Variants in CDH18 observed in about 807,000 individuals in gnomAD.
CDH18 encodes cadherin 18.
CDH18 carries 31 observed loss-of-function variants against 67.9 expected under a neutral mutation model. That is an observed-to-expected ratio of 0.46 (90% CI 0.34 to 0.62). The LOEUF is 0.62. CDH18 is among the 20% of genes least tolerant of loss of function. CDH18 has a pLI of 0.01. For missense variants in CDH18, 890 were observed against 975.5 expected, an observed-to-expected ratio of 0.91 and a Z score of 1.17; for synonymous variants, 362 against 347.2, an observed-to-expected ratio of 1.04 and a Z score of -0.48.
chr5:20,549,139 G>T (rs1302847497), intron 1 of CDH18, among the ~76,000 whole-genome samples: 1 of 152,120 alleles, frequency 6.6e-6, no homozygotes, highest in Non-Finnish European at 1.5e-5. Flanking sequence ...TACTTAGAGT[G>T]ATTCTCAAAT....
chr5:20,390,195 A>C (rs1744712931), intron 1 of CDH18, among the ~76,000 whole-genome samples: 1 of 152,162 alleles, frequency 6.6e-6, no homozygotes, highest in Non-Finnish European at 1.5e-5. Flanking sequence ...ATCAGAGTGA[A>C]CAGGCAACCT....
intron 1 of CDH18, among the ~76,000 whole-genome samples, chr5:20,443,585 A>G (rs915235234): frequency 2.0e-5 from 3 of 151,902 alleles, no homozygotes; most frequent in Non-Finnish European, 2.9e-5. Flanking sequence ...ATTGATGTCA[A>G]TATTTCTGTG....
At chr5:20,111,064 A>G (rs1747416181) in intron 2 of CDH18, among the ~76,000 whole-genome samples, 1 of 152,182 alleles carries the variant, frequency 6.6e-6, no homozygotes, top group Admixed American at 6.5e-5. Flanking sequence ...ATCAGTTTCA[A>G]CTGCTCATAT....
intron 3 of CDH18, among the ~76,000 whole-genome samples, chr5:19,753,815 C>A (rs1771169984): frequency 6.6e-6 from 1 of 152,138 alleles, no homozygotes; most frequent in Non-Finnish European, 1.5e-5. Context: ...GGAATTGGGG[C>A]TGTATCTTCA....
rs560145894 is a variant in CDH18, at chr5:20,513,115, GA to G, written c.-580+62346del. On this transcript the variant is annotated intron_variant, in intron 1 of 14. Coordinates refer to the CDH18 transcript ENST00000507958. ...ATTAATGAATGAAGGCCATAGATAT[GA>G]AAAAATACTTATTAATATTAACAAG... Among the ~76,000 whole-genome samples, 96 of 152,176 alleles carry G rather than the reference GA, an allele frequency of 6.3e-4. 1 individual carries two copies. In the South Asian group the frequency reaches 0.019, roughly 30 times the overall value.
chr5:19,822,723 G>A (rs555785443), intron 3 of CDH18, among the ~76,000 whole-genome samples: 3 of 152,266 alleles, frequency 2.0e-5, no homozygotes, highest in African/African-American at 4.8e-5. Flanking sequence ...CGAGATCACA[G>A]GACCACAGGA....
In CDH18 at chr5:19,979,219, TG is replaced by T. The variant is rs879888804; in HGVS notation, c.-257+1840del. Among the ~76,000 whole-genome samples, 822 of 144,360 alleles carry T rather than the reference TG, an allele frequency of 5.7e-3. 4 individuals are homozygous for T. The highest frequency in any genetic ancestry group is 0.011 in the Middle Eastern group (3 of 266). 94.7% of individuals were successfully genotyped at this position (144,360 alleles called of 152,430 possible). ...GGTGATTGTTGGTGGGGATGGAGTG[TG>T]TGTGTGTGTGTGTGTGTGTGTGTGT... On this transcript the variant is annotated intron_variant, in intron 2 of 12. Coordinates refer to ENST00000382275, the MANE Select transcript of CDH18 (RefSeq NM_004934.5).
chr5:20,535,533 C>T (rs1756660434), intron 1 of CDH18, among the ~76,000 whole-genome samples: 1 of 152,098 alleles, frequency 6.6e-6, no homozygotes, highest in African/African-American at 2.4e-5. Context: ...GTAACATAAT[C>T]TATACCAGGA....
At chr5:20,536,738 T>C (rs1756748897) in intron 1 of CDH18, among the ~76,000 whole-genome samples, 6 of 152,152 alleles carry the variant, frequency 3.9e-5, no homozygotes, top group Admixed American at 3.9e-4. Flanking sequence ...AAGCTTGGAT[T>C]GTTCTAACTT....
At chr5:20,477,423 A>G (rs1159130880) in intron 1 of CDH18, among the ~76,000 whole-genome samples, 1 of 152,248 alleles carries the variant, frequency 6.6e-6, no homozygotes, top group Non-Finnish European at 1.5e-5. Flanking sequence ...TTCTTCTGTC[A>G]TTCCCTGGCA....
intron 2 of CDH18, among the ~76,000 whole-genome samples, chr5:20,177,161 T>C (rs1429707516): frequency 6.6e-6 from 1 of 152,270 alleles, no homozygotes; most frequent in African/African-American, 2.4e-5. Context: ...CATGAGGTTG[T>C]TTTCCTCTAT....
chr5:20,127,528 A>G (rs1363537353), intron 2 of CDH18, among the ~76,000 whole-genome samples: 1 of 152,102 alleles, frequency 6.6e-6, no homozygotes, highest in Non-Finnish European at 1.5e-5. Context: ...AAAAAAGGAA[A>G]TCCCGTCATA....
At chr5:20,485,257 T>C (rs1414838337) in intron 1 of CDH18, among the ~76,000 whole-genome samples, 3 of 152,148 alleles carry the variant, frequency 2.0e-5, no homozygotes, top group Non-Finnish European at 2.9e-5. Context: ...ACTACAACTA[T>C]ACCAGTGTTC....
intron 2 of CDH18, among the ~76,000 whole-genome samples, chr5:20,078,475 A>T (rs1394417587): frequency 6.6e-6 from 1 of 152,136 alleles, no homozygotes; most frequent in Non-Finnish European, 1.5e-5. Flanking sequence ...AACAAAAAAC[A>T]AAAAACAAAA....
At chr5:19,573,207 T>A (rs987838178) in intron 7 of CDH18, among the ~76,000 whole-genome samples, 6 of 152,226 alleles carry the variant, frequency 3.9e-5, no homozygotes, top group African/African-American at 1.2e-4. Flanking sequence ...GAGTTGCTTC[T>A]GAAGTTTATG....
At chr5:20,114,133 C>G (rs940808306) in intron 2 of CDH18, among the ~76,000 whole-genome samples, 1 of 152,184 alleles carries the variant, frequency 6.6e-6, no homozygotes, top group African/African-American at 2.4e-5. Flanking sequence ...ATATATGCAA[C>G]ATCATCAATT....
intron 1 of CDH18, among the ~76,000 whole-genome samples, chr5:20,405,819 G>T (rs1229256803): frequency 6.6e-6 from 1 of 152,146 alleles, no homozygotes; most frequent in Non-Finnish European, 1.5e-5. Flanking sequence ...GCAGCCAAAA[G>T]ACACATGAAA....
chr5:20,300,570 G>A (rs1747897398), intron 1 of CDH18, among the ~76,000 whole-genome samples: 2 of 151,972 alleles, frequency 1.3e-5, no homozygotes, highest in East Asian at 1.9e-4. Flanking sequence ...TGTAGCCCCC[G>A]GGTGTTGAGA....
At chr5:20,082,777 T>A (rs190683243) in intron 2 of CDH18, among the ~76,000 whole-genome samples, 1 of 152,166 alleles carries the variant, frequency 6.6e-6, no homozygotes, top group Non-Finnish European at 1.5e-5. Flanking sequence ...GACAAACATA[T>A]GCGGAGAAAG....
Sources: gnomAD v4.1 joint callset for allele counts (sites outside exome capture counted in the v4.1 genomes callset) on GRCh38, gnomAD v4.1.1 for gene constraint, MANE v1.5 for transcripts, NCBI Gene and HGNC (gene_info 2026-07-23, HGNC 2026-07-21) for gene names.